The following RASGRF1 variants were observed in gnomAD, a reference collection of about 807,000 sequenced individuals.
RASGRF1 encodes the protein ras-specific guanine nucleotide-releasing factor 1.
RASGRF1 carries 40 observed loss-of-function variants against 138.7 expected under a neutral mutation model. The ratio of observed to expected loss-of-function variants is 0.29; its 90% CI spans 0.22 to 0.38. The LOEUF is 0.38. Among genes scored for constraint, RASGRF1 ranks in the 10% least tolerant of loss-of-function variants. The pLI is 1.00. For synonymous variants in RASGRF1, 614 were observed against 663.2 expected (o/e 0.93, Z 1.14); for missense variants, 1,108 against 1,650.4 (o/e 0.67, Z 5.69).
At chr15:79,010,885 C>A (rs549155608) in intron 13 of RASGRF1, among the ~76,000 whole-genome samples, 1 of 152,230 alleles carries the variant, frequency 6.6e-6, no homozygotes, top group East Asian at 1.9e-4. Flanking sequence ...AGAGCTGCTG[C>A]GGGAAGGCCT....
intron 10 of RASGRF1, among the ~76,000 whole-genome samples, chr15:79,020,773 T>A (rs550747614): frequency 6.6e-6 from 1 of 152,362 alleles, no homozygotes; most frequent in African/African-American, 2.4e-5. Flanking sequence ...TGGCCACAGC[T>A]GTGGTGGTTG....
At chr15:78,984,672 T>C in intron 23 of RASGRF1, 1 of 336,268 alleles carries the variant, frequency 3.0e-6, no homozygotes, top group South Asian at 3.0e-5. Flanking sequence ...ATCTGACCAC[T>C]GTCTCAGCTG....
chr15:79,035,075 G>T, intron 6 of RASGRF1, 56 bp downstream of exon 6: 1 of 1,458,906 alleles, frequency 6.9e-7, no homozygotes, highest in East Asian at 2.3e-5. Context: ...CAGGCTTTTG[G>T]GGTGGCCCCT....
At chr15:78,992,998 CCT>C (rs1347911842) in intron 20 of RASGRF1, among the ~76,000 whole-genome samples, 1 of 147,650 alleles carries the variant, frequency 6.8e-6, no homozygotes, top group Non-Finnish European at 1.5e-5. Flanking sequence ...AGAAAAACAG[CCT>C]CTGTGTGTGT....
intron 3 of RASGRF1, among the ~76,000 whole-genome samples, chr15:79,052,973 A>G (rs1465763112): frequency 6.6e-6 from 1 of 152,138 alleles, no homozygotes; most frequent in Non-Finnish European, 1.5e-5. Flanking sequence ...TGTGTTTGCA[A>G]AACTGATTCT....
intron 2 of RASGRF1, among the ~76,000 whole-genome samples, chr15:79,063,364 T>TTCTGGTTA (rs1356476278): frequency 3.3e-5 from 5 of 152,228 alleles, no homozygotes; most frequent in Non-Finnish European, 7.3e-5. Flanking sequence ...TAATAAGGGC[T>TTCTGGTTA]TCTGGTTAAC....
intron 3 of RASGRF1, among the ~76,000 whole-genome samples, chr15:79,056,944 G>A (rs533658544): frequency 2.6e-5 from 4 of 152,178 alleles, no homozygotes; most frequent in Non-Finnish European, 2.9e-5. Context: ...GGGACCATGA[G>A]CACACTGCAG....
chr15:78,961,924 G>T lies in RASGRF1; in HGVS notation c.*220C>A. ...GGACCAAGAGTACAGCTGTTTAAAA[G>T]AAACAGGCACTGCAGGAGACGAGGG... On this transcript the variant is annotated 3_prime_UTR_variant, in exon 27 of 27. Transcript: ENST00000558480. 2.0e-6 allele frequency: 1 copy of T among 496,094 alleles called. No individual in the cohort carries two copies. Among genetic ancestry groups the T allele is most frequent in the Non-Finnish European group, 3.6e-6 (1 of 278,174 alleles). 30.7% of individuals were successfully genotyped at this position (496,094 alleles called of 1,614,324 possible). A position where few individuals can be genotyped will look rare whatever the true frequency, so the allele number is the denominator to read the frequency against.
intron 5 of RASGRF1, among the ~76,000 whole-genome samples, chr15:79,038,105 G>A (rs2057247496): frequency 6.6e-6 from 1 of 152,154 alleles, no homozygotes; most frequent in African/African-American, 2.4e-5. Context: ...CTGCTGTGGG[G>A]TCCAGATTCT....
At chr15:79,021,835 C>T (rs887605504) in intron 10 of RASGRF1, among the ~76,000 whole-genome samples, 6 of 152,096 alleles carry the variant, frequency 3.9e-5, no homozygotes, top group East Asian at 1.9e-4. Context: ...TGTATTTGAG[C>T]GAGTTCTTGC....
rs957879200 is a variant in RASGRF1 at position 79,027,210 on chromosome 15, G to A, written c.1381+531C>T. On this transcript the variant is annotated intron_variant, in intron 9 of 26. Coordinates refer to ENST00000558480, the MANE Select transcript of RASGRF1 (RefSeq NM_001145648.3). The surrounding 1 kb of genome is among the most constrained non-coding windows in gnomAD (Gnocchi z 4.8). ...TTCACCCACCCCTCTCAACGGGGCC[G>A]TGCCTCTCAAACACTGCTCCCAAGG... Among the ~76,000 whole-genome samples the A allele has an allele frequency of 1.3e-5, 2 of 152,110 alleles. No individual in the cohort carries two copies. Among genetic ancestry groups the A allele is most frequent in the Non-Finnish European group, 2.9e-5 (2 of 68,008 alleles).
chr15:79,041,902 C>G (rs1448105325), intron 5 of RASGRF1, among the ~76,000 whole-genome samples: 1 of 152,194 alleles, frequency 6.6e-6, no homozygotes, highest in Non-Finnish European at 1.5e-5. Context: ...CTCATCATTC[C>G]CTCAGCTCAG....
chr15:79,050,015 C>G lies in RASGRF1; in HGVS notation c.532-427G>C, dbSNP rs1419483813. ...AACACATGTAACATATTAAAATTTA[C>G]CATTTTAACAATTTTTAAGGGTATG... On this transcript the variant is annotated intron_variant, in intron 3 of 26. Transcript: ENST00000558480. This position sits in a 1 kb window ranked among gnomAD's most constrained non-coding sequence, Gnocchi z 4.1. Among the ~76,000 whole-genome samples, 2 of 152,144 alleles carry G rather than the reference C, an allele frequency of 1.3e-5. No homozygotes were observed. Among genetic ancestry groups the G allele is most frequent in the Non-Finnish European group, 2.9e-5 (2 of 68,022 alleles).
At chr15:79,025,900 T>C (rs1415052986) in intron 9 of RASGRF1, among the ~76,000 whole-genome samples, 1 of 148,156 alleles carries the variant, frequency 6.7e-6, no homozygotes, top group African/African-American at 2.5e-5. Context: ...CCCATCCTAC[T>C]TGTAAAAAAG....
chr15:79,041,882 C>T (rs536646447), intron 5 of RASGRF1, among the ~76,000 whole-genome samples: 17 of 152,308 alleles, frequency 1.1e-4, no homozygotes, highest in African/African-American at 3.6e-4. Flanking sequence ...GGCATGCTCC[C>T]CTGCTGAACC....
rs2056671183 is a variant in RASGRF1 at position 79,006,224 on chromosome 15, A to C, written c.2037T>G (p.Ile679Met). The C allele has an allele frequency of 6.2e-7, 1 of 1,614,192 alleles. No individual in the cohort carries two copies. Among genetic ancestry groups the C allele is most frequent in the East Asian group, 2.2e-5 (1 of 44,884 alleles). The change falls in exon 14 of 27, where the codon ATT becomes ATG. Residue 679 changes from isoleucine to methionine, a missense_variant. Physicochemically the swap from Ile to Met is conservative, Grantham distance 10. Transcript: ENST00000558480. The surrounding 1 kb of genome is among the most constrained non-coding windows in gnomAD (Gnocchi z 4.0). The part of the protein sequence containing the change: ...TTAIVVLDKL[I>M]TIYKKPISAI... ...CACTGATAGGCTTCTTGTAGATGGT[A>C]ATGAGCTTGTCCAGGACCACGATGG...
intron 8 of RASGRF1, among the ~76,000 whole-genome samples, chr15:79,031,128 C>A (rs2057129914): frequency 6.6e-6 from 1 of 152,208 alleles, no homozygotes; most frequent in South Asian, 2.1e-4. Flanking sequence ...AGTCCCTCTC[C>A]TGGGAGGTGT....
At chr15:79,090,179 C>A in intron 1 of RASGRF1, 44 bp downstream of exon 1, 1 of 1,538,884 alleles carries the variant, frequency 6.5e-7, no homozygotes, top group South Asian at 1.2e-5. Context: ...CCCCCAGGGC[C>A]GCGGCCGGGA....
At chr15:79,003,258 G>A (rs991248878) in intron 15 of RASGRF1, among the ~76,000 whole-genome samples, 35 of 152,200 alleles carry the variant, frequency 2.3e-4, no homozygotes, top group African/African-American at 8.2e-4. Context: ...CAGTTCTTCC[G>A]GGAAGCCTTC....
Sources: gnomAD v4.1 joint callset for allele counts (sites outside exome capture counted in the v4.1 genomes callset) on GRCh38, gnomAD v4.1.1 for gene constraint, Gnocchi (gnomAD v3.1) non-coding constraint, MANE v1.5 for transcripts, NCBI Gene and HGNC (gene_info 2026-07-23, HGNC 2026-07-21) for gene names.